RCAN2: variants seen among roughly 807,000 people sequenced by gnomAD.
RCAN2 encodes calcipressin-2.
Under a neutral mutation model 23.6 loss-of-function variants are expected in RCAN2, and 9 were observed. That is an observed-to-expected ratio of 0.38 (90% CI 0.23 to 0.67). The LOEUF is 0.67. RCAN2 is among the 30% of genes least tolerant of loss of function. RCAN2 has a pLI of 0.51. For synonymous variants in RCAN2, 109 were observed against 115.7 expected, an observed-to-expected ratio of 0.94 and a Z score of 0.37; for missense variants, 273 against 302.3, an observed-to-expected ratio of 0.90 and a Z score of 0.72.
intron 2 of RCAN2, among the ~76,000 whole-genome samples, chr6:46,307,399 C>T (rs1235654615): frequency 6.6e-6 from 1 of 151,952 alleles, no homozygotes; most frequent in Non-Finnish European, 1.5e-5. Context: ...GTTCAGGCTT[C>T]AAGGCTGAGT....
At chr6:46,461,737 C>A (rs1321908319) in intron 1 of RCAN2, among the ~76,000 whole-genome samples, 2 of 152,190 alleles carry the variant, frequency 1.3e-5, no homozygotes, top group Admixed American at 6.5e-5. Flanking sequence ...AGGCATGTGC[C>A]ACTACGCCCA....
chr6:46,364,213 G>A (rs558909516), intron 2 of RCAN2, among the ~76,000 whole-genome samples: 41 of 152,230 alleles, frequency 2.7e-4, no homozygotes, highest in South Asian at 1.0e-3. Flanking sequence ...CTAACCTTTA[G>A]AGAGAACTAA....
At chr6:46,468,498 G>A (rs546008818) in intron 1 of RCAN2, among the ~76,000 whole-genome samples, 2 of 152,286 alleles carry the variant, frequency 1.3e-5, no homozygotes, top group Non-Finnish European at 2.9e-5. Context: ...CCGCGCCAAC[G>A]CCAGCAAAGC....
chr6:46,374,898 T>C (rs1765417185), intron 2 of RCAN2, among the ~76,000 whole-genome samples: 1 of 152,292 alleles, frequency 6.6e-6, no homozygotes, highest in South Asian at 2.1e-4. Flanking sequence ...ATTTATTTAT[T>C]TATTTGTTTA....
chr6:46,391,127 C>A lies in RCAN2; in HGVS notation c.225+65625G>T, dbSNP rs138324431. ...ACTCTTGAGACTTGGGCAAGTTATA[C>A]AATTGCCCTGTGCCTCAGTTTCCTC... On this transcript the variant is annotated intron_variant, in intron 2 of 4. Coordinates refer to ENST00000371374, the MANE Select transcript of RCAN2 (RefSeq NM_001251974.2). Among the ~76,000 whole-genome samples the A allele has an allele frequency of 1.9e-4, 29 of 152,316 alleles. No individual in the cohort carries two copies. The East Asian group carries it at 4.1e-3, about 21-fold the overall frequency.
intron 2 of RCAN2, among the ~76,000 whole-genome samples, chr6:46,323,185 A>G (rs1763672831): frequency 6.6e-6 from 1 of 152,152 alleles, no homozygotes; most frequent in Admixed American, 6.5e-5. Flanking sequence ...GTTACCTATC[A>G]CTTTCAGAGA....
rs3997300 is a variant in RCAN2 at position 46,339,014 on chromosome 6, C to CAAAA, written c.226-90122_226-90119dup. 6.0e-3 allele frequency among the ~76,000 whole-genome samples: 284 copies of CAAAA among 47,104 alleles called. 28 individuals carry two copies. The highest frequency in any genetic ancestry group is 0.013 in the East Asian group (21 of 1,626). The allele number at this position is 47,104 out of a possible 152,430, so 30.9% of individuals were successfully genotyped here. A position where few individuals can be genotyped will look rare whatever the true frequency, so the allele number is the denominator to read the frequency against. ...TGGGTGACAAAGCGAGACCCTGTCT[C>CAAAA]AAAAAAAAAAAAAAAAAAAAAAAAA... On this transcript the variant is annotated intron_variant, in intron 2 of 4. Coordinates refer to ENST00000371374, the MANE Select transcript of RCAN2 (RefSeq NM_001251974.2).
At chr6:46,447,371 G>A (rs1373701387) in intron 2 of RCAN2, among the ~76,000 whole-genome samples, 1 of 151,816 alleles carries the variant, frequency 6.6e-6, no homozygotes, top group Non-Finnish European at 1.5e-5. Flanking sequence ...AGAGAATAGA[G>A]AGAGAGACTG....
intron 1 of RCAN2, among the ~76,000 whole-genome samples, chr6:46,471,904 C>CACAA (rs1157379766): frequency 6.6e-6 from 1 of 152,170 alleles, no homozygotes; most frequent in Non-Finnish European, 1.5e-5. Context: ...CACACACACA[C>CACAA]ACTCACACAG....
chr6:46,306,083 C>A (rs1375093753), intron 2 of RCAN2, among the ~76,000 whole-genome samples: 1 of 152,056 alleles, frequency 6.6e-6, no homozygotes, highest in Non-Finnish European at 1.5e-5. Flanking sequence ...TGCTACACAG[C>A]AGGGTGGTTT....
At chr6:46,389,180 T>C (rs545527227) in intron 2 of RCAN2, among the ~76,000 whole-genome samples, 1 of 152,240 alleles carries the variant, frequency 6.6e-6, no homozygotes, top group African/African-American at 2.4e-5. Flanking sequence ...CAGGATATAG[T>C]CTAGATTCCA....
Position 46,394,749 on chromosome 6 carries a change from C to A in RCAN2, c.225+62003G>T, listed in dbSNP as rs114662774. Among the ~76,000 whole-genome samples, 608 of 152,298 alleles carry A rather than the reference C, an allele frequency of 4.0e-3. 4 individuals carry two copies. The highest frequency in any genetic ancestry group is 0.014 in the African/African-American group (578 of 41,550). On this transcript the variant is annotated intron_variant, in intron 2 of 4. Coordinates refer to ENST00000371374, the MANE Select transcript of RCAN2 (RefSeq NM_001251974.2). Reference sequence around the variant, plus strand: ...CCTTTTAACAGGATTCCTCTCATTGCATTGATCCCTCTCTCACTGCTGTAT... The same window carrying A: ...CCTTTTAACAGGATTCCTCTCATTGAATTGATCCCTCTCTCACTGCTGTAT...
chr6:46,367,299 A>C (rs1765204733), intron 2 of RCAN2, among the ~76,000 whole-genome samples: 1 of 151,872 alleles, frequency 6.6e-6, no homozygotes, highest in African/African-American at 2.4e-5. Flanking sequence ...GCTTGTCATA[A>C]TATACCATCA....
intron 1 of RCAN2, among the ~76,000 whole-genome samples, chr6:46,463,907 A>C (rs575838050): frequency 1.3e-4 from 20 of 152,214 alleles, no homozygotes; most frequent in Non-Finnish European, 2.2e-4. Flanking sequence ...AAAATTAAGA[A>C]CAGAAATATA....
intron 2 of RCAN2, among the ~76,000 whole-genome samples, chr6:46,407,094 G>A (rs965837006): frequency 6.6e-5 from 10 of 152,166 alleles, no homozygotes; most frequent in African/African-American, 2.4e-4. Flanking sequence ...GGCATTCAGG[G>A]GCTATTTTCC....
chr6:46,251,961 C>CA (rs1281112407), intron 2 of RCAN2, among the ~76,000 whole-genome samples: 1 of 152,152 alleles, frequency 6.6e-6, no homozygotes, highest in Non-Finnish European at 1.5e-5. Context: ...TTCACTGGAT[C>CA]ATATGGGGCT....
intron 2 of RCAN2, among the ~76,000 whole-genome samples, chr6:46,340,688 TG>T (rs1764289062): frequency 6.6e-6 from 1 of 152,244 alleles, no homozygotes; most frequent in African/African-American, 2.4e-5. Context: ...GTCTCTCTTC[TG>T]GTAAGCCCTC....
intron 4 of RCAN2, among the ~76,000 whole-genome samples, chr6:46,234,461 C>G (rs1320837763): frequency 6.6e-6 from 1 of 152,142 alleles, no homozygotes; most frequent in Non-Finnish European, 1.5e-5. Context: ...TGTCTGGGGA[C>G]AGAGAGTCTG....
intron 2 of RCAN2, among the ~76,000 whole-genome samples, chr6:46,371,916 T>C (rs566088466): frequency 1.3e-5 from 2 of 152,330 alleles, no homozygotes; most frequent in South Asian, 4.1e-4. Context: ...TAGTCTGACA[T>C]GGAGATCTCT....
Sources: allele counts gnomAD v4.1 joint callset (sites outside exome capture counted in the v4.1 genomes callset), GRCh38; gene constraint gnomAD v4.1.1; transcripts MANE v1.5; gene names NCBI Gene and HGNC (gene_info 2026-07-23, HGNC 2026-07-21).